The following SGCZ variants were observed in gnomAD, a reference collection of about 807,000 sequenced individuals.
SGCZ encodes the protein sarcoglycan zeta, also known as zeta-sarcoglycan.
Under a neutral mutation model 41.3 loss-of-function variants are expected in SGCZ, and 40 were observed. The ratio of observed to expected loss-of-function variants is 0.97; its 90% confidence interval spans 0.75 to 1.26. SGCZ has a LOEUF of 1.26. SGCZ is among the 50% of genes most tolerant of loss of function. The probability of loss-of-function intolerance (pLI) is 0.00; values close to 1 mark genes in which losing one functional copy is unlikely to be tolerated. For missense variants in SGCZ, 552 were observed against 369.8 expected (o/e 1.49, Z -4.04); for synonymous variants, 206 against 137.5 (o/e 1.50, Z -3.49).
intron 1 of SGCZ, among the ~76,000 whole-genome samples, chr8:14,821,828 A>C (rs926084428): frequency 2.4e-4 from 36 of 152,292 alleles, no homozygotes; most frequent in Non-Finnish European, 8.8e-5. Context: ...AATAAAGGCC[A>C]TACGGGACAA....
chr8:14,328,593 A>C (rs529689330), intron 2 of SGCZ, among the ~76,000 whole-genome samples: 163 of 152,266 alleles, frequency 1.1e-3, no homozygotes, highest in African/African-American at 3.6e-3. Flanking sequence ...ATTTTACTTA[A>C]ATTTTTAGTT....
At chr8:14,281,657 T>C (rs549732807) in intron 3 of SGCZ, among the ~76,000 whole-genome samples, 1 of 152,066 alleles carries the variant, frequency 6.6e-6, no homozygotes, top group Non-Finnish European at 1.5e-5. Flanking sequence ...ATTCTCTTAA[T>C]ACAAATATAC....
At chr8:15,076,870 G>C (rs1023063983) in intron 1 of SGCZ, among the ~76,000 whole-genome samples, 27 of 149,238 alleles carry the variant, frequency 1.8e-4, no homozygotes, top group African/African-American at 6.7e-4. Context: ...AGATTTCTTT[G>C]GAGTGCCACC....
chr8:14,992,773 C>G (rs957485551), intron 1 of SGCZ, among the ~76,000 whole-genome samples: 1 of 144,810 alleles, frequency 6.9e-6, no homozygotes, highest in Non-Finnish European at 1.5e-5. Context: ...CCCCATCCTC[C>G]TCATTCAATC....
chr8:14,262,945 C>T (rs1799725144), intron 3 of SGCZ, among the ~76,000 whole-genome samples: 1 of 151,986 alleles, frequency 6.6e-6, no homozygotes, highest in Non-Finnish European at 1.5e-5. Context: ...TTGAGAAATC[C>T]CTTATTACCT....
At chr8:14,985,601 C>G (rs183541360) in intron 1 of SGCZ, among the ~76,000 whole-genome samples, 49 of 152,276 alleles carry the variant, frequency 3.2e-4, no homozygotes, top group Non-Finnish European at 5.0e-4. Context: ...TTAATATATT[C>G]CATTCAGTTC....
At chr8:15,156,099 T>C (rs903939172) in intron 1 of SGCZ, among the ~76,000 whole-genome samples, 2 of 149,510 alleles carry the variant, frequency 1.3e-5, no homozygotes, top group Admixed American at 6.7e-5. Flanking sequence ...TGAAGGTCAA[T>C]GCTGAAATAT....
At chr8:14,411,523 C>T (rs1232108460) in intron 2 of SGCZ, among the ~76,000 whole-genome samples, 1 of 151,960 alleles carries the variant, frequency 6.6e-6, no homozygotes, top group Non-Finnish European at 1.5e-5. Context: ...CACTTGCTGC[C>T]TACAGCATAT....
chr8:14,557,279 AT>A (rs141080567), intron 1 of SGCZ, among the ~76,000 whole-genome samples: 7 of 147,658 alleles, frequency 4.7e-5, no homozygotes, highest in Non-Finnish European at 7.5e-5. Flanking sequence ...TTTGATGGGG[AT>A]TTTTTTTTTG....
At chr8:14,454,802 G>A (rs571897994) in intron 2 of SGCZ, among the ~76,000 whole-genome samples, 71 of 152,210 alleles carry the variant, frequency 4.7e-4, no homozygotes, top group African/African-American at 1.6e-3. Flanking sequence ...TTTAACGGAG[G>A]GTGCTGGAGC....
At chr8:14,456,384 C>T (rs535254591) in intron 2 of SGCZ, among the ~76,000 whole-genome samples, 15 of 151,656 alleles carry the variant, frequency 9.9e-5, no homozygotes, top group Admixed American at 4.6e-4. Flanking sequence ...CTCCAGCCTG[C>T]GCAAGAAGAG....
intron 1 of SGCZ, among the ~76,000 whole-genome samples, chr8:14,930,172 G>A (rs895820092): frequency 6.6e-6 from 1 of 151,984 alleles, no homozygotes; most frequent in Non-Finnish European, 1.5e-5. Context: ...CAAAAAGTGG[G>A]CGAAGGATGT....
chr8:14,453,173 T>C (rs1800646693), intron 2 of SGCZ, among the ~76,000 whole-genome samples: 1 of 152,158 alleles, frequency 6.6e-6, no homozygotes, highest in South Asian at 2.1e-4. Context: ...CCTGGACATG[T>C]ATATATTTTT....
chr8:14,727,167 T>A (rs1359389478), intron 1 of SGCZ, among the ~76,000 whole-genome samples: 1 of 152,064 alleles, frequency 6.6e-6, no homozygotes. Flanking sequence ...TGAAAATACC[T>A]GAACAAACAC....
intron 1 of SGCZ, among the ~76,000 whole-genome samples, chr8:14,563,528 C>T (rs955865839): frequency 2.6e-5 from 4 of 152,154 alleles, no homozygotes; most frequent in Non-Finnish European, 4.4e-5. Flanking sequence ...GTTTTATTTT[C>T]TGTAAGGCAG....
chr8:14,975,624 T>C (rs1232498337), intron 1 of SGCZ, among the ~76,000 whole-genome samples: 1 of 152,108 alleles, frequency 6.6e-6, no homozygotes, highest in Non-Finnish European at 1.5e-5. Flanking sequence ...ATGTGTAGTA[T>C]GCTTTGTAAC....
At chr8:15,083,594 G>A (rs1805836949) in intron 1 of SGCZ, among the ~76,000 whole-genome samples, 1 of 152,038 alleles carries the variant, frequency 6.6e-6, no homozygotes, top group East Asian at 1.9e-4. Context: ...TGTCACCTAG[G>A]CTGGAGTCCA....
intron 4 of SGCZ, among the ~76,000 whole-genome samples, chr8:14,200,093 T>A (rs1437699162): frequency 6.6e-6 from 1 of 152,174 alleles, no homozygotes; most frequent in Non-Finnish European, 1.5e-5. Flanking sequence ...CCTGGCAGTG[T>A]TGGAATATAT....
chr8:14,505,435 T>G (rs1005524656), intron 2 of SGCZ, among the ~76,000 whole-genome samples: 2 of 152,076 alleles, frequency 1.3e-5, no homozygotes, highest in Non-Finnish European at 2.9e-5. Flanking sequence ...GACAATCCAT[T>G]GTTTCTTTTC....
Sources: gnomAD v4.1 joint callset for allele counts (sites outside exome capture counted in the v4.1 genomes callset) on GRCh38, gnomAD v4.1.1 for gene constraint, MANE v1.5 for transcripts, NCBI Gene and HGNC (gene_info 2026-07-23, HGNC 2026-07-21) for gene names.